The following CACNA1D variants were observed in gnomAD, a reference collection of about 807,000 sequenced individuals.
CACNA1D encodes the protein calcium voltage-gated channel subunit alpha1 D.
In CACNA1D, 55 loss-of-function variants were observed where a neutral mutation model predicts 257.1. That is an observed-to-expected ratio of 0.21 (90% CI 0.17 to 0.27). The LOEUF is 0.27. CACNA1D is among the 10% of genes least tolerant of loss of function. The pLI, the probability that CACNA1D is intolerant of heterozygous loss-of-function variation, is 1.00. For synonymous variants in CACNA1D, 980 were observed against 1,014.9 expected (o/e 0.97, Z 0.65); for missense variants, 1,876 against 2,784.0 (o/e 0.67, Z 7.34).
At chr3:53,620,165 A>C (rs567519710) in intron 3 of CACNA1D, among the ~76,000 whole-genome samples, 53 of 152,206 alleles carry the variant, frequency 3.5e-4, no homozygotes, top group Admixed American at 2.9e-3. Context: ...GAGCCAGGAC[A>C]GGTGTCTAGT....
intron 3 of CACNA1D, among the ~76,000 whole-genome samples, chr3:53,589,345 A>G (rs1412287393): frequency 6.6e-6 from 1 of 152,082 alleles, no homozygotes; most frequent in Non-Finnish European, 1.5e-5. Flanking sequence ...GGGGTGACAG[A>G]TGGGGTGTTC....
chr3:53,630,499 G>C (rs1472220824), intron 3 of CACNA1D, among the ~76,000 whole-genome samples: 1 of 152,152 alleles, frequency 6.6e-6, no homozygotes, highest in African/African-American at 2.4e-5. Flanking sequence ...ATTAATTTAG[G>C]TAGTTACTAA....
rs554480124 is a variant in CACNA1D, at chr3:53,586,770, C to T, written c.484-64009C>T. On this transcript the variant is annotated intron_variant, in intron 3 of 47. Coordinates refer to ENST00000350061, the MANE Select transcript of CACNA1D (RefSeq NM_001128840.3). ...CTTAGAGACGATAAGGTACTAGCCCCCTGGAAAACAACTGCACTGAACCTA... is the reference window on the plus strand; with the variant it reads ...CTTAGAGACGATAAGGTACTAGCCCTCTGGAAAACAACTGCACTGAACCTA... Among the ~76,000 whole-genome samples, 5 of 152,264 alleles carry T rather than the reference C, an allele frequency of 3.3e-5. No homozygotes were observed. In the South Asian group the frequency reaches 1.0e-3, roughly 32 times the overall value.
At chr3:53,666,910 C>T (rs958228516) in intron 7 of CACNA1D, among the ~76,000 whole-genome samples, 4 of 152,114 alleles carry the variant, frequency 2.6e-5, no homozygotes, top group Non-Finnish European at 4.4e-5. Flanking sequence ...TGGACTGCCA[C>T]AGGCTAAGGT....
intron 3 of CACNA1D, among the ~76,000 whole-genome samples, chr3:53,606,033 G>A (rs1399315973): frequency 6.6e-6 from 1 of 152,180 alleles, no homozygotes; most frequent in African/African-American, 2.4e-5. Context: ...AATGGGCCCA[G>A]GAGGCAAAGA....
chr3:53,608,847 C>T (rs1474023991), intron 3 of CACNA1D, among the ~76,000 whole-genome samples: 2 of 152,204 alleles, frequency 1.3e-5, no homozygotes, highest in East Asian at 3.9e-4. Context: ...GGTGATGGTG[C>T]CTTATCCTTT....
At chr3:53,742,453 C>T (rs1335560710) in intron 21 of CACNA1D, among the ~76,000 whole-genome samples, 3 of 152,210 alleles carry the variant, frequency 2.0e-5, no homozygotes, top group African/African-American at 7.2e-5. Context: ...CCTAGCCATG[C>T]CTGGCACGTG....
At chr3:53,761,237 G>A (rs2095299861) in intron 29 of CACNA1D, among the ~76,000 whole-genome samples, 2 of 152,180 alleles carry the variant, frequency 1.3e-5, no homozygotes. Context: ...GGAAGAAGGA[G>A]CCTATTGGCT....
chr3:53,625,556 A>G (rs2093748107), intron 3 of CACNA1D, among the ~76,000 whole-genome samples: 1 of 152,032 alleles, frequency 6.6e-6, no homozygotes, highest in Admixed American at 6.6e-5. Flanking sequence ...GGGAGCATTC[A>G]TGACATCGTT....
chr3:53,497,407 G>GT lies in CACNA1D; in HGVS notation c.326dup (p.Leu109PhefsTer5). 1 of 1,614,132 alleles carries GT rather than the reference G, an allele frequency of 6.2e-7. No homozygotes were observed. The highest frequency in any genetic ancestry group is 8.5e-7 in the Non-Finnish European group (1 of 1,180,022). On this transcript the variant is annotated frameshift_variant, in exon 2 of 48. Transcript: ENST00000350061. LOFTEE classifies it high-confidence loss of function. ...AGCCGACCTGCCCGCGCCCTTTTCT[G>GT]TTTATCACTCAATAACCCCATCCGA...
Position 53,495,784 on chromosome 3 carries a change from C to G in CACNA1D, c.67+551C>G, listed in dbSNP as rs1210252856. Among the ~76,000 whole-genome samples the G allele has an allele frequency of 6.6e-6, 1 of 152,224 alleles. No individual in the cohort carries two copies. Among genetic ancestry groups the G allele is most frequent in the East Asian group, 1.9e-4 (1 of 5,182 alleles). ...GGGAAAGGGGTTCGGGTGGAGCGTG[C>G]GTTCCCGCTCCCGTCGCCGGCTGTG... On this transcript the variant is annotated intron_variant, in intron 1 of 47. Coordinates refer to ENST00000350061, the MANE Select transcript of CACNA1D (RefSeq NM_001128840.3). The surrounding 1 kb of genome is among the most constrained non-coding windows in gnomAD (Gnocchi z 5.1).
chr3:53,762,240 G>C (rs977361706), intron 30 of CACNA1D, among the ~76,000 whole-genome samples, 159 bp downstream of exon 30: 1 of 152,218 alleles, frequency 6.6e-6, no homozygotes, highest in African/African-American at 2.4e-5. Context: ...GGCAAGACGT[G>C]TTTCAGGGTA....
chr3:53,620,866 C>T (rs3774480), intron 3 of CACNA1D, among the ~76,000 whole-genome samples: 29,491 of 152,104 alleles, frequency 0.19, 3,509 homozygotes, highest in East Asian at 0.35. Flanking sequence ...TCAGTTGAGA[C>T]CTGGGGGAAA....
At chr3:53,705,705 G>A (rs2094681039) in intron 9 of CACNA1D, among the ~76,000 whole-genome samples, 1 of 152,180 alleles carries the variant, frequency 6.6e-6, no homozygotes, top group African/African-American at 2.4e-5. Context: ...GGCTGTGGAG[G>A]CCATGATGGG....
intron 3 of CACNA1D, among the ~76,000 whole-genome samples, chr3:53,541,484 C>T (rs935716679): frequency 3.9e-5 from 6 of 152,222 alleles, no homozygotes; most frequent in South Asian, 2.1e-4. Flanking sequence ...AATCCCCTGT[C>T]GTGTTGTGAA....
intron 3 of CACNA1D, among the ~76,000 whole-genome samples, chr3:53,614,616 A>G (rs2093617316): frequency 6.6e-6 from 1 of 152,220 alleles, no homozygotes; most frequent in African/African-American, 2.4e-5. Context: ...CAAAGGAAGA[A>G]TATTTATAAG....
chr3:53,538,250 C>A (rs575000620), intron 3 of CACNA1D, among the ~76,000 whole-genome samples: 1 of 146,282 alleles, frequency 6.8e-6, no homozygotes, highest in Non-Finnish European at 1.5e-5. Context: ...ACAGTTCAAG[C>A]GTTTCTCGTG....
At chr3:53,671,905 CT>C in intron 7 of CACNA1D, among the ~76,000 whole-genome samples, 1 of 152,364 alleles carries the variant, frequency 6.6e-6, no homozygotes, top group African/African-American at 2.4e-5. Context: ...TCTATCCAGA[CT>C]GTTTGCAGTT....
chr3:53,720,540 T>A (rs925034410), intron 11 of CACNA1D, among the ~76,000 whole-genome samples: 14 of 152,200 alleles, frequency 9.2e-5, no homozygotes, highest in African/African-American at 2.7e-4. Context: ...ATATAAAGAT[T>A]AATGCATAAA....
Sources: gnomAD v4.1 joint callset for allele counts (sites outside exome capture counted in the v4.1 genomes callset) on GRCh38, gnomAD v4.1.1 for gene constraint, Gnocchi (gnomAD v3.1) non-coding constraint, MANE v1.5 for transcripts, NCBI Gene and HGNC (gene_info 2026-07-23, HGNC 2026-07-21) for gene names.